The following BACE2 variants were observed in gnomAD, a reference collection of about 807,000 sequenced individuals.
The protein encoded by BACE2 is 56 kDa aspartic-like protease.
BACE2 carries 17 observed loss-of-function variants against 46.2 expected under a neutral mutation model. The ratio of observed to expected loss-of-function variants is 0.37; its 90% CI spans 0.25 to 0.55. BACE2 has a LOEUF of 0.55. Among genes scored for constraint, BACE2 ranks in the 20% least tolerant of loss-of-function variants. The pLI is 0.82. For synonymous variants in BACE2, 277 were observed against 295.9 expected, an observed-to-expected ratio of 0.94 and a Z score of 0.66; for missense variants, 595 against 698.1, an observed-to-expected ratio of 0.85 and a Z score of 1.66.
intron 2 of BACE2, among the ~76,000 whole-genome samples, chr21:41,229,813 C>G (rs1396150047): frequency 1.3e-5 from 2 of 152,170 alleles, no homozygotes; most frequent in East Asian, 3.9e-4. Context: ...AGTCCATATG[C>G]ATTTGATGAA....
chr21:41,260,389 C>G (rs1041512227), intron 8 of BACE2, among the ~76,000 whole-genome samples: 6 of 152,358 alleles, frequency 3.9e-5, no homozygotes, highest in Admixed American at 3.9e-4. Flanking sequence ...AAGCGATCCT[C>G]CCACCTTGGT....
chr21:41,205,733 G>A (rs964965070), intron 1 of BACE2, among the ~76,000 whole-genome samples: 5 of 152,138 alleles, frequency 3.3e-5, no homozygotes, highest in African/African-American at 1.2e-4. Context: ...GTAGTTGCTT[G>A]TACTTCATCC....
intron 1 of BACE2, among the ~76,000 whole-genome samples, chr21:41,216,665 G>GT (rs1195047031): frequency 6.6e-6 from 1 of 152,244 alleles, no homozygotes; most frequent in Admixed American, 6.5e-5. Flanking sequence ...GGGAAGCAGG[G>GT]TGAAGCGTCT....
rs1436483539 is a variant in BACE2 at position 41,168,217 on chromosome 21, G to A, written c.-47G>A. ...TCGCTGAGCCGCGGCTGCCGGACGG[G>A]ACGGGACCGGCTAGGCTGGGCGCGC... is the stretch of plus-strand genomic sequence containing the variant. On this transcript the variant is annotated 5_prime_UTR_variant, in exon 1 of 9. Coordinates refer to ENST00000330333, the MANE Select transcript of BACE2 (RefSeq NM_012105.5). The A allele has an allele frequency of 8.4e-6, 9 of 1,074,944 alleles. No individual in the cohort carries two copies. Among genetic ancestry groups the A allele is most frequent in the Non-Finnish European group, 1.0e-5 (9 of 879,924 alleles). 66.6% of individuals were successfully genotyped at this position (1,074,944 alleles called of 1,614,324 possible).
At chr21:41,251,892 C>G (rs1987651903) in intron 7 of BACE2, among the ~76,000 whole-genome samples, 1 of 152,054 alleles carries the variant, frequency 6.6e-6, no homozygotes, top group Non-Finnish European at 1.5e-5. Flanking sequence ...TTCCTATACT[C>G]CCAGTACCCA....
chr21:41,200,873 G>A (rs559991718), intron 1 of BACE2, among the ~76,000 whole-genome samples: 3 of 152,302 alleles, frequency 2.0e-5, no homozygotes, highest in Non-Finnish European at 2.9e-5. Flanking sequence ...GAGAAGATAC[G>A]TGTCCGTTGT....
chr21:41,248,142 G>A (rs536866529), intron 6 of BACE2, among the ~76,000 whole-genome samples: 5 of 152,294 alleles, frequency 3.3e-5, no homozygotes, highest in East Asian at 3.9e-4. Flanking sequence ...ACCTGGGCTC[G>A]TTCCGACCCT....
intron 1 of BACE2, among the ~76,000 whole-genome samples, chr21:41,201,201 C>G (rs1423475914): frequency 6.6e-6 from 1 of 152,228 alleles, no homozygotes; most frequent in Non-Finnish European, 1.5e-5. Flanking sequence ...CTTACGCAGT[C>G]TTTTGTTCTT....
intron 8 of BACE2, among the ~76,000 whole-genome samples, chr21:41,268,837 C>A (rs1243892029): frequency 6.6e-6 from 1 of 152,068 alleles, no homozygotes; most frequent in South Asian, 2.1e-4. Flanking sequence ...ACACACAGCA[C>A]ATATGAAAAA....
intron 6 of BACE2, among the ~76,000 whole-genome samples, chr21:41,248,868 G>A (rs111896832): frequency 0.015 from 2,350 of 152,308 alleles, 48 homozygotes; most frequent in African/African-American, 0.05. Context: ...CCATTTTCCT[G>A]TCTTCTGTTC....
intron 1 of BACE2, among the ~76,000 whole-genome samples, chr21:41,205,849 A>AT (rs1328446147): frequency 6.6e-6 from 1 of 152,188 alleles, no homozygotes; most frequent in African/African-American, 2.4e-5. Context: ...GGAACACTGT[A>AT]TCTTCTTCAT....
chr21:41,170,814 T>C (rs1026919115), intron 1 of BACE2, among the ~76,000 whole-genome samples: 1 of 152,226 alleles, frequency 6.6e-6, no homozygotes, highest in African/African-American at 2.4e-5. Context: ...AATTAAGTAA[T>C]AGTCATAGAC....
intron 2 of BACE2, among the ~76,000 whole-genome samples, chr21:41,236,843 C>T (rs1987134828): frequency 6.6e-6 from 1 of 152,218 alleles, no homozygotes; most frequent in African/African-American, 2.4e-5. Flanking sequence ...TGGGTTGTGT[C>T]CTTCAAAGGG....
At chr21:41,211,877 G>C (rs28360503) in intron 1 of BACE2, among the ~76,000 whole-genome samples, 33,478 of 152,192 alleles carry the variant, frequency 0.22, 4,666 homozygotes, top group African/African-American at 0.39. Context: ...CTTTCTGTAG[G>C]GTTATTGCCC....
chr21:41,221,312 G>A (rs1986639603), intron 1 of BACE2, among the ~76,000 whole-genome samples: 1 of 152,174 alleles, frequency 6.6e-6, no homozygotes, highest in Admixed American at 6.5e-5. Context: ...CTCCTGCAGG[G>A]GAAGGGGCAA....
chr21:41,266,946 T>TTGTGTG (rs10527457), intron 8 of BACE2, among the ~76,000 whole-genome samples: 3 of 148,268 alleles, frequency 2.0e-5, no homozygotes, highest in South Asian at 2.2e-4. Context: ...CTCACAGTGT[T>TTGTGTG]TGTGTGTGTG....
chr21:41,262,417 G>A (rs894905602), intron 8 of BACE2, among the ~76,000 whole-genome samples: 2 of 151,984 alleles, frequency 1.3e-5, no homozygotes, highest in Non-Finnish European at 2.9e-5. Context: ...TCTATCCCTC[G>A]GCTAAGCTAT....
rs147603711 is a variant in BACE2 at position 41,229,625 on chromosome 21, C to T, written c.401+3271C>T. On this transcript the variant is annotated intron_variant, in intron 2 of 8. Coordinates refer to ENST00000330333, the MANE Select transcript of BACE2 (RefSeq NM_012105.5). Reference sequence around the variant, plus strand: ...ATTATCAAGACTATGTGCAATATTTCATCAACCGTAGACAACCCACCGCAT... The same window carrying T: ...ATTATCAAGACTATGTGCAATATTTTATCAACCGTAGACAACCCACCGCAT... 1.9e-3 allele frequency among the ~76,000 whole-genome samples: 281 copies of T among 150,536 alleles called. 2 individuals carry two copies. The highest frequency in any genetic ancestry group is 3.1e-3 in the Non-Finnish European group (214 of 68,040).
chr21:41,253,617 G>A (rs11911650), intron 7 of BACE2, among the ~76,000 whole-genome samples: 4,570 of 152,136 alleles, frequency 0.03, 240 homozygotes, highest in African/African-American at 0.1. Context: ...AGAAGCAGGA[G>A]GAGAAGGCAG....
Sources: gnomAD v4.1 joint callset for allele counts (sites outside exome capture counted in the v4.1 genomes callset) on GRCh38, gnomAD v4.1.1 for gene constraint, MANE v1.5 for transcripts, NCBI Gene and HGNC (gene_info 2026-07-23, HGNC 2026-07-21) for gene names.